SV2B: variants seen among roughly 807,000 people sequenced by gnomAD.
The protein encoded by SV2B is synaptic vesicle glycoprotein 2B, also known as solute carrier family 22 member B2.
SV2B carries 41 observed loss-of-function variants against 73.9 expected under a neutral mutation model. The observed-to-expected ratio is 0.56, with a 90% confidence interval of 0.43 to 0.72. The LOEUF is 0.72. Among genes scored for constraint, SV2B ranks in the 30% least tolerant of loss-of-function variants. The pLI, the probability that SV2B is intolerant of heterozygous loss-of-function variation, is 0.00. For synonymous variants in SV2B, 314 were observed against 314.2 expected (o/e 1.00, Z 0.01); for missense variants, 764 against 857.8 (o/e 0.89, Z 1.37).
Position 91,253,498 on chromosome 15 carries a change from A to T in SV2B, c.784+978A>T, listed in dbSNP as rs947797683. Among the ~76,000 whole-genome samples the T allele has an allele frequency of 5.3e-5, 8 of 152,254 alleles. No homozygotes were observed. Among genetic ancestry groups the T allele is most frequent in the Non-Finnish European group, 1.2e-4 (8 of 68,046 alleles). ...TACTGTATTAGTTAAGGTGTTGGAC[A>T]CTGGGTACATTACCTTGACAAGCTG... On this transcript the variant is annotated intron_variant, in intron 4 of 12. Transcript: ENST00000394232. The surrounding 1 kb of genome is among the most constrained non-coding windows in gnomAD (Gnocchi z 5.0).
rs774551089 is a variant in SV2B at position 91,105,287 on chromosome 15, T to C, written c.-392+4924T>C. On this transcript the variant is annotated intron_variant, in intron 1 of 12. Transcript: ENST00000394232. This position sits in a 1 kb window ranked among gnomAD's most constrained non-coding sequence, Gnocchi z 5.5. ...GCCTTGTTGTGTTGGAGTGGGAGGG[T>C]AGGGTAAAACGAAGTGTGGGTATTT... Among the ~76,000 whole-genome samples, 23 of 151,550 alleles carry C rather than the reference T, an allele frequency of 1.5e-4. No individual in the cohort carries two copies. The highest frequency in any genetic ancestry group is 1.5e-3 in the South Asian group (7 of 4,764).
intron 1 of SV2B, among the ~76,000 whole-genome samples, chr15:91,211,329 ATGGGTG>A (rs1362047539): frequency 6.6e-6 from 1 of 152,252 alleles, no homozygotes; most frequent in East Asian, 1.9e-4. Context: ...GAAGGGGATC[ATGGGTG>A]TGTGGCCTTC....
Position 91,252,023 on chromosome 15 carries a change from T to C in SV2B, c.632+24T>C, listed in dbSNP as rs781367448. On this transcript the variant is annotated intron_variant, in intron 3 of 12. Coordinates refer to ENST00000394232, the MANE Select transcript of SV2B (RefSeq NM_001323032.3). The surrounding 1 kb of genome is among the most constrained non-coding windows in gnomAD (Gnocchi z 4.6). The stretch of plus-strand genomic sequence containing the variant: ...GGGTATGTTCTTAGGGAGGTGGAGC[T>C]GGACCATCCCAGACCAATGGCCCAT... The C allele has an allele frequency of 6.2e-6, 10 of 1,612,344 alleles. No homozygotes were observed. In the East Asian group the frequency reaches 1.6e-4, roughly 25 times the overall value.
At chr15:91,165,995 G>A (rs1295060637) in intron 1 of SV2B, among the ~76,000 whole-genome samples, 1 of 152,082 alleles carries the variant, frequency 6.6e-6, no homozygotes, top group African/African-American at 2.4e-5. Flanking sequence ...TAGAATTCTG[G>A]GTAGACAATC....
intron 9 of SV2B, among the ~76,000 whole-genome samples, chr15:91,279,132 T>C (rs1409015073): frequency 2.0e-5 from 3 of 152,218 alleles, no homozygotes; most frequent in African/African-American, 7.2e-5. Context: ...CACCTCATAC[T>C]TTACCCAACT....
At chr15:91,272,370 C>T (rs536263680) in intron 9 of SV2B, among the ~76,000 whole-genome samples, 1 of 152,226 alleles carries the variant, frequency 6.6e-6, no homozygotes, top group East Asian at 1.9e-4. Flanking sequence ...GAAGACATTT[C>T]TGCTTGGTAG....
At position 91,299,042 on chromosome 15, in the gene SV2B, C is replaced by T. The variant is rs770956571; in HGVS notation, c.*6490C>T. On this transcript the variant is annotated 3_prime_UTR_variant, in exon 13 of 13. Coordinates refer to ENST00000394232, the MANE Select transcript of SV2B (RefSeq NM_001323032.3). Reference sequence around the variant, plus strand: ...CAAAAATGACAAGTAAGTGAGGTAACGCATGAGCTAAATAGCTTGATTTAG... The same window carrying T: ...CAAAAATGACAAGTAAGTGAGGTAATGCATGAGCTAAATAGCTTGATTTAG... The T allele has an allele frequency of 3.3e-5, 5 of 152,086 alleles. No homozygotes were observed. The highest frequency in any genetic ancestry group is 9.7e-5 in the African/African-American group (4 of 41,388). 9.4% of individuals were successfully genotyped at this position (152,086 alleles called of 1,614,324 possible). A position where few individuals can be genotyped will look rare whatever the true frequency, so the allele number is the denominator to read the frequency against.
chr15:91,171,299 T>G (rs889737694), intron 1 of SV2B, among the ~76,000 whole-genome samples: 1 of 152,226 alleles, frequency 6.6e-6, no homozygotes, highest in Admixed American at 6.5e-5. Context: ...ACTACTTACC[T>G]AATGGAGTTA....
In SV2B at chr15:91,227,606, T is replaced by C. The variant is rs1444919166; in HGVS notation, c.451+892T>C. Among the ~76,000 whole-genome samples the C allele has an allele frequency of 1.3e-5, 2 of 152,230 alleles. No homozygotes were observed. The highest frequency in any genetic ancestry group is 4.8e-5 in the African/African-American group (2 of 41,464). ...CAAGACCAGGACATGCTTATGACCCTCAAGAGCTCAAAATCTATCTAGCAA... is the reference window on the plus strand; with the variant it reads ...CAAGACCAGGACATGCTTATGACCCCCAAGAGCTCAAAATCTATCTAGCAA... On this transcript the variant is annotated intron_variant, in intron 2 of 12. Transcript: ENST00000394232. The surrounding 1 kb of genome is among the most constrained non-coding windows in gnomAD (Gnocchi z 4.5).
chr15:91,199,372 G>C (rs946329898), intron 1 of SV2B, among the ~76,000 whole-genome samples: 1 of 152,172 alleles, frequency 6.6e-6, no homozygotes, highest in Non-Finnish European at 1.5e-5. Context: ...CTCCAGGCCA[G>C]TGTGCTCCGG....
Position 91,100,408 on chromosome 15 carries a change from G to A in SV2B, c.-392+45G>A, listed in dbSNP as rs1404161917. 1 of 152,392 alleles carries A rather than the reference G, an allele frequency of 6.6e-6. No individual in the cohort carries two copies. The highest frequency in any genetic ancestry group is 1.5e-5 in the Non-Finnish European group (1 of 68,148). The allele number at this position is 152,392 out of a possible 1,614,324, so 9.4% of individuals were successfully genotyped here. ...GCTGCGGTGCAACCGACCCAGCCGG[G>A]GCGCGGACCCCGCGTGCGCCAGGGC... On this transcript the variant is annotated intron_variant, in intron 1 of 12. Transcript: ENST00000394232. The surrounding 1 kb of genome is among the most constrained non-coding windows in gnomAD (Gnocchi z 6.4).
chr15:91,148,682 C>G (rs1285688047), intron 1 of SV2B, among the ~76,000 whole-genome samples: 1 of 152,112 alleles, frequency 6.6e-6, no homozygotes, highest in Non-Finnish European at 1.5e-5. Flanking sequence ...AGAATTGATT[C>G]ACATGATTTT....
At chr15:91,201,377 A>G (rs1395277925) in intron 1 of SV2B, among the ~76,000 whole-genome samples, 3 of 152,246 alleles carry the variant, frequency 2.0e-5, no homozygotes, top group Non-Finnish European at 4.4e-5. Context: ...TGATAAGGTC[A>G]GTACAGATGT....
chr15:91,110,423 C>A lies in SV2B; in HGVS notation c.-392+10060C>A, dbSNP rs900897987. On this transcript the variant is annotated intron_variant, in intron 1 of 12. Coordinates refer to ENST00000394232, the MANE Select transcript of SV2B (RefSeq NM_001323032.3). This position sits in a 1 kb window ranked among gnomAD's most constrained non-coding sequence, Gnocchi z 5.4. ...CCAAGCAGGTGAGAGCCTGGTTAGG[C>A]CCCTCAACAGCCTCCTCTGATTGCT... Among the ~76,000 whole-genome samples, 4 of 152,196 alleles carry A rather than the reference C, an allele frequency of 2.6e-5. No individual in the cohort carries two copies. The highest frequency in any genetic ancestry group is 6.5e-5 in the Admixed American group (1 of 15,288).
chr15:91,251,448 A>C (rs965441424), intron 2 of SV2B, among the ~76,000 whole-genome samples: 3 of 152,234 alleles, frequency 2.0e-5, no homozygotes, highest in African/African-American at 7.2e-5. Context: ...TTTACCCTGG[A>C]AATTCTCTCC....
Position 91,128,532 on chromosome 15 carries a change from C to T in SV2B, c.-392+28169C>T, listed in dbSNP as rs561190259. 6.6e-6 allele frequency among the ~76,000 whole-genome samples: 1 copy of T among 152,300 alleles called. No individual in the cohort carries two copies. The highest frequency in any genetic ancestry group is 2.4e-5 in the African/African-American group (1 of 41,572). On this transcript the variant is annotated intron_variant, in intron 1 of 12. Coordinates refer to ENST00000394232, the MANE Select transcript of SV2B (RefSeq NM_001323032.3). The surrounding 1 kb of genome is among the most constrained non-coding windows in gnomAD (Gnocchi z 4.2). ...GTTTTTCTCCTCCCCGTCTGTCTCT[C>T]AGTCCCAGTCTCTCTCAAGGCTAGC...
At chr15:91,225,348 C>T (rs895684034) in intron 1 of SV2B, among the ~76,000 whole-genome samples, 1 of 152,170 alleles carries the variant, frequency 6.6e-6, no homozygotes, top group African/African-American at 2.4e-5. Context: ...TTAAATCGTA[C>T]AGCCACTTCA....
intron 6 of SV2B, 61 bp from the exon 7 acceptor site, chr15:91,266,521 C>G: frequency 7.9e-7 from 1 of 1,272,366 alleles, no homozygotes; most frequent in Non-Finnish European, 1.1e-6. Context: ...TTAAACTACA[C>G]ATTGAAAACT....
At chr15:91,273,516 T>A (rs1233673190) in intron 9 of SV2B, among the ~76,000 whole-genome samples, 2 of 152,190 alleles carry the variant, frequency 1.3e-5, no homozygotes, top group Non-Finnish European at 2.9e-5. Context: ...CATGTGCACA[T>A]GTTGTAGCAA....
Sources: allele counts gnomAD v4.1 joint callset (sites outside exome capture counted in the v4.1 genomes callset), GRCh38; gene constraint gnomAD v4.1.1; non-coding constraint Gnocchi (gnomAD v3.1); transcripts MANE v1.5; gene names NCBI Gene and HGNC (gene_info 2026-07-23, HGNC 2026-07-21).